Variants in MCF2L2 observed in about 807,000 individuals in gnomAD.
The protein encoded by MCF2L2 is probable guanine nucleotide exchange factor MCF2L2.
MCF2L2 carries 102 observed loss-of-function variants against 150.2 expected under a neutral mutation model. The ratio of observed to expected loss-of-function variants is 0.68; its 90% confidence interval spans 0.58 to 0.80. MCF2L2 has a LOEUF of 0.80. Among genes scored for constraint, MCF2L2 ranks in the 30% least tolerant of loss-of-function variants. The pLI, the probability that MCF2L2 is intolerant of heterozygous loss-of-function variation, is 0.00. For missense variants in MCF2L2, 1,256 were observed against 1,372.8 expected (o/e 0.91, Z 1.34); for synonymous variants, 465 against 491.3 (o/e 0.95, Z 0.71).
At chr3:183,184,927 T>G (rs1451502084) in intron 27 of MCF2L2, among the ~76,000 whole-genome samples, 1 of 152,042 alleles carries the variant, frequency 6.6e-6, no homozygotes, top group Admixed American at 6.5e-5. Context: ...CTTTTTCTTT[T>G]TTTTTTTTGA....
At chr3:183,206,947 A>G (rs13063997) in intron 23 of MCF2L2, among the ~76,000 whole-genome samples, 117 of 50,654 alleles carry the variant, frequency 2.3e-3, no homozygotes, top group South Asian at 9.2e-3. Flanking sequence ...GGAAGGAAGG[A>G]AGGAAGGAAG....
At chr3:183,422,108 A>G (rs1250375368) in intron 1 of MCF2L2, among the ~76,000 whole-genome samples, 2 of 152,154 alleles carry the variant, frequency 1.3e-5, no homozygotes, top group African/African-American at 2.4e-5. Context: ...AGGCAAAGAT[A>G]GTTTTTGAGG....
intron 7 of MCF2L2, among the ~76,000 whole-genome samples, chr3:183,317,731 G>A (rs946141008): frequency 6.6e-6 from 1 of 152,104 alleles, no homozygotes; most frequent in Non-Finnish European, 1.5e-5. Context: ...TCACGAGAGG[G>A]CAACCCTTGA....
intron 23 of MCF2L2, among the ~76,000 whole-genome samples, chr3:183,207,103 G>A (rs1722521437): frequency 6.6e-6 from 1 of 152,136 alleles, no homozygotes; most frequent in Non-Finnish European, 1.5e-5. Flanking sequence ...TGTGGCTCCT[G>A]TATGTGGGTG....
At chr3:183,244,970 G>T (rs989422797) in intron 15 of MCF2L2, among the ~76,000 whole-genome samples, 6 of 152,016 alleles carry the variant, frequency 3.9e-5, no homozygotes, top group African/African-American at 1.4e-4. Context: ...AAGAAACTGG[G>T]GTTCCAGTTC....
chr3:183,192,952 T>C, intron 27 of MCF2L2, 47 bp downstream of exon 27: 1 of 1,414,176 alleles, frequency 7.1e-7, no homozygotes, highest in Non-Finnish European at 1.0e-6. Context: ...GCAGCTGGCA[T>C]CACCCCACTG....
intron 12 of MCF2L2, 82 bp downstream of exon 12, chr3:183,296,894 T>A (rs1327682733): frequency 4.3e-5 from 63 of 1,453,822 alleles, no homozygotes; most frequent in Non-Finnish European, 5.6e-5. Flanking sequence ...ACCCTGTGTG[T>A]ACTTTATCAG....
At chr3:183,204,525 G>T (rs2108645217) in intron 25 of MCF2L2, among the ~76,000 whole-genome samples, 1 of 152,126 alleles carries the variant, frequency 6.6e-6, no homozygotes, top group Non-Finnish European at 1.5e-5. Context: ...GTAAGGAAAT[G>T]GAGAAAATTG....
intron 13 of MCF2L2, among the ~76,000 whole-genome samples, chr3:183,294,908 G>A (rs769535637): frequency 6.6e-5 from 10 of 152,058 alleles, no homozygotes; most frequent in Non-Finnish European, 1.0e-4. Flanking sequence ...GATTACAGGC[G>A]TGAGCCACCG....
intron 1 of MCF2L2, 22 bp downstream of exon 1, chr3:183,427,880 G>A (rs1356479622): frequency 2.5e-6 from 4 of 1,610,148 alleles, no homozygotes; most frequent in Admixed American, 1.7e-5. Flanking sequence ...TAAAACGCAG[G>A]AAAAATTAAA....
intron 15 of MCF2L2, chr3:183,269,643 AAAAG>A: frequency 3.0e-6 from 2 of 674,418 alleles, no homozygotes; most frequent in Non-Finnish European, 2.4e-6. Context: ...AAATGGGACT[AAAAG>A]AAACTATTTT....
intron 2 of MCF2L2, among the ~76,000 whole-genome samples, chr3:183,388,440 T>A (rs1713954125): frequency 6.6e-6 from 1 of 152,214 alleles, no homozygotes; most frequent in South Asian, 2.1e-4. Context: ...GCCATGAGAC[T>A]GTGCCTTCAG....
chr3:183,392,682 T>C (rs557521740), intron 1 of MCF2L2, among the ~76,000 whole-genome samples: 1 of 152,238 alleles, frequency 6.6e-6, no homozygotes, highest in African/African-American at 2.4e-5. Context: ...CCCAGACTCA[T>C]CCTCTGACTC....
intron 1 of MCF2L2, among the ~76,000 whole-genome samples, chr3:183,424,461 C>T (rs1716058478): frequency 6.6e-6 from 1 of 152,220 alleles, no homozygotes; most frequent in Non-Finnish European, 1.5e-5. Context: ...AATACTCCAA[C>T]TCCATTCCAA....
intron 3 of MCF2L2, chr3:183,373,727 T>C (rs1054831582): frequency 6.6e-6 from 1 of 152,172 alleles, no homozygotes; most frequent in Non-Finnish European, 1.5e-5. Flanking sequence ...AGTCTGGACA[T>C]TGGGAATTAA....
intron 1 of MCF2L2, among the ~76,000 whole-genome samples, chr3:183,419,706 C>T (rs1449547214): frequency 6.6e-6 from 1 of 152,138 alleles, no homozygotes. Context: ...AACCCCATCT[C>T]TACTAAAATT....
At chr3:183,252,743 A>ATTTTTAAAGTATTTTTAAAGTATTTTATT (rs1285761018) in intron 15 of MCF2L2, among the ~76,000 whole-genome samples, 2 of 152,204 alleles carry the variant, frequency 1.3e-5, no homozygotes, top group Non-Finnish European at 2.9e-5. Context: ...CTTTTATTTT[A>ATTTTTAAAGTATTTTTAAAGTATTTTATT]CTAAAGTATT....
In MCF2L2 at chr3:183,267,400, G is replaced by A. The variant is rs778845466; in HGVS notation, c.1862+9472C>T. Among the ~76,000 whole-genome samples the A allele has an allele frequency of 7.9e-5, 12 of 152,250 alleles. No individual in the cohort carries two copies. Among genetic ancestry groups the A allele is most frequent in the Non-Finnish European group, 1.6e-4 (11 of 68,038 alleles). Reference sequence around the variant, plus strand: ...CTTTGCCTCCACCCTGATGTGGAGTGATCATGGGGGTGGGAAATATAGCTG... The same window carrying A: ...CTTTGCCTCCACCCTGATGTGGAGTAATCATGGGGGTGGGAAATATAGCTG... On this transcript the variant is annotated intron_variant, in intron 15 of 29. Transcript: ENST00000328913. This position sits in a 1 kb window ranked among gnomAD's most constrained non-coding sequence, Gnocchi z 5.5.
At chr3:183,425,472 A>G (rs144357880) in intron 1 of MCF2L2, among the ~76,000 whole-genome samples, 2 of 152,290 alleles carry the variant, frequency 1.3e-5, no homozygotes, top group African/African-American at 4.8e-5. Flanking sequence ...CTCAGAAGCT[A>G]CTTGATAAGG....
Sources: allele counts gnomAD v4.1 joint callset (sites outside exome capture counted in the v4.1 genomes callset), GRCh38; gene constraint gnomAD v4.1.1; non-coding constraint Gnocchi (gnomAD v3.1); transcripts MANE v1.5; gene names NCBI Gene and HGNC (gene_info 2026-07-23, HGNC 2026-07-21).